The following WDFY3 variants were observed in gnomAD, a reference collection of about 807,000 sequenced individuals.
WDFY3 encodes the protein WD repeat and FYVE domain containing 3.
WDFY3 carries 66 observed loss-of-function variants against 409.6 expected under a neutral mutation model. The observed-to-expected ratio is 0.16, with a 90% CI of 0.13 to 0.20. The LOEUF is 0.20. WDFY3 is among the 10% of genes least tolerant of loss of function. The probability of loss-of-function intolerance (pLI) is 1.00; values close to 1 mark genes in which losing one functional copy is unlikely to be tolerated. For synonymous variants in WDFY3, 1,521 were observed against 1,537.1 expected, an observed-to-expected ratio of 0.99 and a Z score of 0.25; for missense variants, 3,031 against 4,298.1, an observed-to-expected ratio of 0.71 and a Z score of 8.24.
At chr4:84,881,080 G>A (rs990432726) in intron 3 of WDFY3, among the ~76,000 whole-genome samples, 3 of 151,868 alleles carry the variant, frequency 2.0e-5, no homozygotes, top group African/African-American at 7.3e-5. Context: ...CTCAATTGAT[G>A]TTTTTCAATA....
Position 84,808,409 on chromosome 4 carries a change from T to C in WDFY3, c.2354A>G (p.Glu785Gly). The C allele has an allele frequency of 1.9e-6, 3 of 1,613,832 alleles. No homozygotes were observed. The South Asian group carries it at 3.3e-5, about 18-fold the overall frequency. Residue 785 changes from glutamate (E) to glycine (G), a missense_variant, in exon 15 of 68, where the codon GAA becomes GGA. This residue lies in a region of WDFY3 where 1,322 missense variants were observed against 1,697.9 expected (regional missense o/e 0.78). Coordinates refer to ENST00000295888, the MANE Select transcript of WDFY3 (RefSeq NM_014991.6). ...ACTTGTCAGGCAAGGAGGGATCTGT[T>C]CTGCACGACTACAGACAACAAAACA... ...VATDSFDSRAEQIPPCLTSES... is the reference protein window; with the variant it reads ...VATDSFDSRAGQIPPCLTSES...
chr4:84,901,540 T>G (rs1034841208), intron 2 of WDFY3, among the ~76,000 whole-genome samples: 1 of 152,178 alleles, frequency 6.6e-6, no homozygotes, highest in Non-Finnish European at 1.5e-5. Flanking sequence ...CCTTTTCTTT[T>G]CAAATTACCC....
intron 2 of WDFY3, among the ~76,000 whole-genome samples, chr4:84,914,209 G>A (rs1044061212): frequency 6.6e-6 from 1 of 151,906 alleles, no homozygotes; most frequent in African/African-American, 2.4e-5. Flanking sequence ...ATCACAAGGT[G>A]AGGAGATCAA....
intron 2 of WDFY3, among the ~76,000 whole-genome samples, chr4:84,907,327 A>G (rs1185448797): frequency 6.6e-6 from 1 of 152,210 alleles, no homozygotes; most frequent in East Asian, 1.9e-4. Flanking sequence ...TATAAAAGAC[A>G]TTATGACTTC....
At chr4:84,715,599 C>A (rs1036853989) in intron 49 of WDFY3, among the ~76,000 whole-genome samples, 2 of 151,470 alleles carry the variant, frequency 1.3e-5, no homozygotes, top group Non-Finnish European at 1.5e-5. Context: ...ACAGTGAAAC[C>A]CCGTCTCTAC....
chr4:84,756,249 G>A (rs1449740250), intron 33 of WDFY3, among the ~76,000 whole-genome samples: 4 of 151,962 alleles, frequency 2.6e-5, no homozygotes, highest in Non-Finnish European at 5.9e-5. Context: ...TTTAATTTAT[G>A]GTATATAAGC....
At chr4:84,735,230 A>T in intron 42 of WDFY3, 110 bp from the exon 43 acceptor site, 1 of 1,001,684 alleles carries the variant, frequency 1.0e-6, no homozygotes, top group Admixed American at 2.6e-5. Flanking sequence ...TGCCAAAAGC[A>T]CCAAAACAGA....
At chr4:84,884,708 T>C (rs1338228135) in intron 3 of WDFY3, among the ~76,000 whole-genome samples, 2 of 152,260 alleles carry the variant, frequency 1.3e-5, no homozygotes, top group African/African-American at 2.4e-5. Context: ...TACCAAACCA[T>C]GGTAATAAAA....
At chr4:84,783,100 G>GT (rs773292239) in intron 24 of WDFY3, 26 bp from the exon 25 acceptor site, 54 of 1,585,410 alleles carry the variant, frequency 3.4e-5, no homozygotes, top group Non-Finnish European at 4.7e-5. Flanking sequence ...GGAAAAGAAT[G>GT]TAATTATATA....
At position 84,935,785 on chromosome 4, in the gene WDFY3, T is replaced by C. The variant is rs555456990; in HGVS notation, c.-225-3422A>G. Among the ~76,000 whole-genome samples the C allele has an allele frequency of 9.2e-5, 14 of 152,304 alleles. No individual in the cohort carries two copies. The South Asian group carries it at 2.9e-3, about 32-fold the overall frequency. On this transcript the variant is annotated intron_variant, in intron 1 of 67. Coordinates refer to ENST00000295888, the MANE Select transcript of WDFY3 (RefSeq NM_014991.6). ...CTTAAAGTATCAGAAATCTAAAATA[T>C]TATAAAATCAATCTAGATTTACAAT...
chr4:84,741,640 T>C (rs867210414), intron 38 of WDFY3, 121 bp downstream of exon 38: 1 of 1,191,178 alleles, frequency 8.4e-7, no homozygotes, highest in African/African-American at 1.6e-5. Flanking sequence ...TTAATAAGCT[T>C]AGCTTTTTCT....
At chr4:84,743,927 A>G (rs1042260971) in intron 36 of WDFY3, 128 bp from the exon 37 acceptor site, 4 of 488,412 alleles carry the variant, frequency 8.2e-6, no homozygotes, top group South Asian at 4.9e-5. Flanking sequence ...TTTAAATGCC[A>G]TGAGAGATGG....
intron 21 of WDFY3, among the ~76,000 whole-genome samples, chr4:84,791,089 C>A (rs1427509481): frequency 1.3e-5 from 2 of 152,142 alleles, no homozygotes; most frequent in African/African-American, 2.4e-5. Context: ...AACATATAAT[C>A]CAGCAATACC....
Position 84,787,719 on chromosome 4 carries a change from A to T in WDFY3, c.3670-6T>A. ...GTACTGTGGACATAATGAAGCTGTA[A>T]GGAAGACAAAAGCAAATGTGTGAGA... On this transcript the variant is annotated splice_polypyrimidine_tract_variant and splice_region_variant and intron_variant, in intron 22 of 67. Transcript: ENST00000295888. The T allele has an allele frequency of 6.2e-7, 1 of 1,601,202 alleles. No individual in the cohort carries two copies. The highest frequency in any genetic ancestry group is 8.6e-7 in the Non-Finnish European group (1 of 1,169,346).
intron 32 of WDFY3, among the ~76,000 whole-genome samples, chr4:84,760,041 T>C (rs1331629852): frequency 6.6e-6 from 1 of 151,946 alleles, no homozygotes; most frequent in Non-Finnish European, 1.5e-5. Context: ...CAAAGGCTTT[T>C]TCTGCATCTA....
At chr4:84,892,023 ATTTTT>A (rs200646761) in intron 3 of WDFY3, among the ~76,000 whole-genome samples, 2 of 135,854 alleles carry the variant, frequency 1.5e-5, no homozygotes, top group African/African-American at 2.7e-5. Flanking sequence ...ATGGCCTTCA[ATTTTT>A]TTTTTTTTTT....
chr4:84,751,462 A>C, intron 36 of WDFY3, 21 bp downstream of exon 36: 1 of 1,608,612 alleles, frequency 6.2e-7, no homozygotes, highest in Non-Finnish European at 8.5e-7. Context: ...AAGAGATGTA[A>C]ATGCGTTTCT....
At chr4:84,873,938 G>A (rs1007162646) in intron 3 of WDFY3, among the ~76,000 whole-genome samples, 9 of 151,650 alleles carry the variant, frequency 5.9e-5, no homozygotes. Flanking sequence ...GCACAGCCAC[G>A]CCTGGGTAAT....
intron 3 of WDFY3, among the ~76,000 whole-genome samples, chr4:84,882,598 T>C (rs1763684900): frequency 6.6e-6 from 1 of 152,142 alleles, no homozygotes; most frequent in Non-Finnish European, 1.5e-5. Context: ...AGGAAACTTA[T>C]GAAATTCCTA....
Sources: allele counts gnomAD v4.1 joint callset (sites outside exome capture counted in the v4.1 genomes callset), GRCh38; gene constraint gnomAD v4.1.1; regional missense constraint gnomAD v4.1.1; transcripts MANE v1.5; gene names NCBI Gene and HGNC (gene_info 2026-07-23, HGNC 2026-07-21).